Variants in CNBD1 observed in about 807,000 individuals in gnomAD.
The protein encoded by CNBD1 is cyclic nucleotide binding domain containing 1.
In CNBD1, 71 loss-of-function variants were observed where a neutral mutation model predicts 54.4. The ratio of observed to expected loss-of-function variants is 1.30; its 90% confidence interval spans 1.08 to 1.59. CNBD1 has a LOEUF of 1.59. CNBD1 is among the 40% of genes most tolerant of loss of function. The pLI, the probability that CNBD1 is intolerant of heterozygous loss-of-function variation, is 0.00. For synonymous variants in CNBD1, 182 were observed against 170.7 expected, an observed-to-expected ratio of 1.07 and a Z score of -0.51; for missense variants, 659 against 518.0, an observed-to-expected ratio of 1.27 and a Z score of -2.64.
At chr8:87,375,252 C>A (rs1255946644) in intron 10 of CNBD1, among the ~76,000 whole-genome samples, 1 of 151,698 alleles carries the variant, frequency 6.6e-6, no homozygotes, top group African/African-American at 2.4e-5. Flanking sequence ...TTAAAAACAG[C>A]TGATAGTTTA....
intron 4 of CNBD1, among the ~76,000 whole-genome samples, chr8:86,948,873 A>T (rs1807535607): frequency 6.6e-6 from 1 of 152,048 alleles, no homozygotes; most frequent in Non-Finnish European, 1.5e-5. Context: ...GTTTCATAGT[A>T]GTTTCATAGT....
chr8:86,905,456 G>T (rs552636554), intron 3 of CNBD1, among the ~76,000 whole-genome samples: 1 of 152,160 alleles, frequency 6.6e-6, no homozygotes, highest in Middle Eastern at 3.4e-3. Flanking sequence ...ACTAATGAAC[G>T]GCAGTGTTTA....
At chr8:87,349,741 A>T (rs1175247451) in intron 8 of CNBD1, among the ~76,000 whole-genome samples, 2 of 152,154 alleles carry the variant, frequency 1.3e-5, no homozygotes, top group Non-Finnish European at 2.9e-5. Context: ...GTTTTGCTGT[A>T]TTGTCTTCAT....
intron 10 of CNBD1, among the ~76,000 whole-genome samples, chr8:87,362,481 G>T (rs79447834): frequency 0.019 from 2,849 of 152,176 alleles, 90 homozygotes; most frequent in African/African-American, 0.062. Flanking sequence ...AGAAAAGTTT[G>T]TTGGGCACCT....
intron 8 of CNBD1, among the ~76,000 whole-genome samples, chr8:87,345,127 A>G (rs1810143761): frequency 6.6e-6 from 1 of 152,184 alleles, no homozygotes. Context: ...TTCAGCTAAA[A>G]TAGAATTTTG....
rs138818998 is a variant in CNBD1, at chr8:87,309,578, A to G, written c.1042+22907A>G. Among the ~76,000 whole-genome samples the G allele has an allele frequency of 7.2e-5, 11 of 152,238 alleles. No individual in the cohort carries two copies. In the East Asian group the frequency reaches 1.9e-3, roughly 27 times the overall value. On this transcript the variant is annotated intron_variant, in intron 8 of 10. Transcript: ENST00000518476. ...AATTGACTCCTGCTCAAGACTTACG[A>G]TAAGAAAAGTTTTTGTAGACTTCCA...
chr8:87,379,009 A>C (rs13268575), intron 10 of CNBD1, among the ~76,000 whole-genome samples: 44,250 of 141,862 alleles, frequency 0.31, 7,271 homozygotes, highest in Middle Eastern at 0.41. Flanking sequence ...GATTTTGTAA[A>C]CTGAGACTTT....
At chr8:87,101,175 G>A (rs1315957666) in intron 4 of CNBD1, among the ~76,000 whole-genome samples, 2 of 152,156 alleles carry the variant, frequency 1.3e-5, no homozygotes, top group African/African-American at 4.8e-5. Context: ...GCTGGGAAAA[G>A]TTACTTAATA....
chr8:87,354,619 A>G (rs1810387529), intron 10 of CNBD1, among the ~76,000 whole-genome samples: 1 of 145,622 alleles, frequency 6.9e-6, no homozygotes, highest in Admixed American at 7.0e-5. Context: ...ATGTGTTCTC[A>G]TTGTTCAATT....
chr8:87,326,850 A>G (rs1448162091), intron 8 of CNBD1, among the ~76,000 whole-genome samples: 6 of 102,306 alleles, frequency 5.9e-5, no homozygotes, highest in East Asian at 4.7e-4. Flanking sequence ...CTGGTGAGGA[A>G]CTGCGTTCCT....
At chr8:87,267,377 CAA>C (rs1808281121) in intron 6 of CNBD1, among the ~76,000 whole-genome samples, 2 of 152,080 alleles carry the variant, frequency 1.3e-5, no homozygotes, top group African/African-American at 4.8e-5. Context: ...AAAAATTAGA[CAA>C]TATATAATGA....
chr8:87,311,174 G>A (rs553169585), intron 8 of CNBD1, among the ~76,000 whole-genome samples: 3 of 152,038 alleles, frequency 2.0e-5, no homozygotes, highest in Admixed American at 2.0e-4. Flanking sequence ...CCTACAGAAT[G>A]GGAGAAAATA....
chr8:87,097,878 C>T (rs558732567), intron 4 of CNBD1, among the ~76,000 whole-genome samples: 4 of 152,276 alleles, frequency 2.6e-5, no homozygotes, highest in Admixed American at 6.5e-5. Flanking sequence ...CTGGAGTCAT[C>T]ATAATTCTGA....
intron 10 of CNBD1, among the ~76,000 whole-genome samples, chr8:87,371,804 C>T (rs1232768409): frequency 6.6e-6 from 1 of 151,962 alleles, no homozygotes; most frequent in Non-Finnish European, 1.5e-5. Context: ...ATGCTAAAAA[C>T]TCTCAATAAA....
At position 87,141,402 on chromosome 8, in the gene CNBD1, T is replaced by C. The variant is rs188638409; in HGVS notation, c.432-64591T>C. 1.7e-3 allele frequency among the ~76,000 whole-genome samples: 260 copies of C among 152,224 alleles called. 3 individuals carry two copies. The highest frequency in any genetic ancestry group is 1.8e-3 in the Non-Finnish European group (123 of 67,974). ...TATGTTCTTACACTGTCAATATATATGTTGACAGAATATTATAAAAGGTTA... is the reference window on the plus strand; with the variant it reads ...TATGTTCTTACACTGTCAATATATACGTTGACAGAATATTATAAAAGGTTA... On this transcript the variant is annotated intron_variant, in intron 4 of 10. Transcript: ENST00000518476.
intron 2 of CNBD1, among the ~76,000 whole-genome samples, chr8:86,894,034 A>ATTTT (rs1372102651): frequency 7.6e-5 from 7 of 91,622 alleles, no homozygotes; most frequent in African/African-American, 2.2e-4. Flanking sequence ...TTAATAGATT[A>ATTTT]ATTTTTTTTT....
At chr8:87,079,344 T>C (rs898779456) in intron 4 of CNBD1, among the ~76,000 whole-genome samples, 1 of 152,146 alleles carries the variant, frequency 6.6e-6, no homozygotes, top group African/African-American at 2.4e-5. Context: ...CTAGAATGGC[T>C]AGATTGTATA....
intron 4 of CNBD1, among the ~76,000 whole-genome samples, chr8:87,016,570 A>C (rs1176122107): frequency 6.6e-6 from 1 of 152,136 alleles, no homozygotes; most frequent in African/African-American, 2.4e-5. Flanking sequence ...CAAAGGGTGT[A>C]ATGTTAAGGA....
At chr8:87,428,498 G>A (rs569076624) in intron 2 of CNBD1, 3,262 of 323,256 alleles carry the variant, frequency 0.01, 89 homozygotes, top group African/African-American at 0.079. Flanking sequence ...TTTTTATGAA[G>A]ATTATTTTTT....
Sources: gnomAD v4.1 joint callset for allele counts (sites outside exome capture counted in the v4.1 genomes callset) on GRCh38, gnomAD v4.1.1 for gene constraint, MANE v1.5 for transcripts, NCBI Gene and HGNC (gene_info 2026-07-23, HGNC 2026-07-21) for gene names.